The following KCNT2 variants were observed in gnomAD, a reference collection of about 807,000 sequenced individuals.
The protein encoded by KCNT2 is potassium channel subfamily T member 2.
KCNT2 carries 67 observed loss-of-function variants against 153.8 expected under a neutral mutation model. The observed-to-expected ratio is 0.44, with a 90% CI of 0.36 to 0.53. The LOEUF (loss-of-function observed/expected upper bound fraction) is 0.53. Ranked by LOEUF, KCNT2 falls within the 20% of genes least tolerant of loss-of-function variation. The probability of loss-of-function intolerance (pLI) is 0.00; values close to 1 mark genes in which losing one functional copy is unlikely to be tolerated. For synonymous variants in KCNT2, 500 were observed against 458.8 expected (o/e 1.09, Z -1.15); for missense variants, 975 against 1,354.8 (o/e 0.72, Z 4.40).
At chr1:196,402,055 C>A (rs77463986) in intron 12 of KCNT2, among the ~76,000 whole-genome samples, 2,533 of 151,450 alleles carry the variant, frequency 0.017, 84 homozygotes, top group African/African-American at 0.057. Flanking sequence ...CAGAACTTTA[C>A]ATCTAGCAAA....
At chr1:196,245,346 A>C (rs1655343549) in intron 26 of KCNT2, among the ~76,000 whole-genome samples, 2 of 152,050 alleles carry the variant, frequency 1.3e-5, no homozygotes, top group African/African-American at 2.4e-5. Flanking sequence ...AAGCAAACCC[A>C]AAAAAATAAC....
At chr1:196,469,472 CT>C (rs1451342913) in intron 5 of KCNT2, among the ~76,000 whole-genome samples, 5 of 152,106 alleles carry the variant, frequency 3.3e-5, no homozygotes. Flanking sequence ...GAAACGTACC[CT>C]TGTTAACAAT....
chr1:196,467,857 G>T, intron 6 of KCNT2, 71 bp from the exon 7 acceptor site: 1 of 780,282 alleles, frequency 1.3e-6, no homozygotes, highest in Non-Finnish European at 2.0e-6. Context: ...ATACTAAAAA[G>T]AAATGGAAAA....
chr1:196,494,741 A>G (rs938669651), intron 1 of KCNT2, among the ~76,000 whole-genome samples: 1 of 152,226 alleles, frequency 6.6e-6, no homozygotes, highest in African/African-American at 2.4e-5. Context: ...GCGAAACTAG[A>G]AAGAATTCGT....
chr1:196,479,855 T>C (rs1324429986), intron 4 of KCNT2, among the ~76,000 whole-genome samples: 1 of 152,228 alleles, frequency 6.6e-6, no homozygotes, highest in African/African-American at 2.4e-5. Flanking sequence ...ACTTCAAGTT[T>C]AATAGTATAT....
At chr1:196,433,259 C>A (rs1215387003) in intron 8 of KCNT2, among the ~76,000 whole-genome samples, 2 of 151,874 alleles carry the variant, frequency 1.3e-5, no homozygotes, top group African/African-American at 4.8e-5. Flanking sequence ...TTTGTTATAG[C>A]AGCACAGACT....
chr1:196,238,481 T>A (rs1275205551), intron 26 of KCNT2, among the ~76,000 whole-genome samples: 4 of 151,978 alleles, frequency 2.6e-5, no homozygotes, highest in Non-Finnish European at 5.9e-5. Flanking sequence ...TCAGAAATAA[T>A]CTCTCTTGGT....
At chr1:196,517,865 AG>A (rs751721620) in intron 1 of KCNT2, among the ~76,000 whole-genome samples, 39 of 152,230 alleles carry the variant, frequency 2.6e-4, no homozygotes, top group Non-Finnish European at 4.4e-4. Context: ...GTCCATGAAA[AG>A]TTTCCTACCT....
chr1:196,513,987 T>C (rs911723184), intron 1 of KCNT2, among the ~76,000 whole-genome samples: 4 of 152,180 alleles, frequency 2.6e-5, no homozygotes, highest in Non-Finnish European at 5.9e-5. Flanking sequence ...ACAAATAGAC[T>C]GAAATAGGAA....
chr1:196,472,526 A>G lies in KCNT2; in HGVS notation c.385-3458T>C, dbSNP rs1230251461. Among the ~76,000 whole-genome samples, 3 of 152,138 alleles carry G rather than the reference A, an allele frequency of 2.0e-5. No individual in the cohort carries two copies. In the East Asian group the frequency reaches 5.8e-4, roughly 29 times the overall value. ...GCTAATGACTTCCAATATTGTATCAATAGCTCGAACCAATATTTTATCTCT... is the reference window on the plus strand; with the variant it reads ...GCTAATGACTTCCAATATTGTATCAGTAGCTCGAACCAATATTTTATCTCT... On this transcript the variant is annotated intron_variant, in intron 5 of 27. Coordinates refer to ENST00000294725, the MANE Select transcript of KCNT2 (RefSeq NM_198503.5).
At chr1:196,335,914 T>C (rs796352202) in intron 16 of KCNT2, among the ~76,000 whole-genome samples, 2 of 152,256 alleles carry the variant, frequency 1.3e-5, no homozygotes, top group South Asian at 2.1e-4. Flanking sequence ...CTTGATGCTC[T>C]CTCTTCTCTT....
At chr1:196,296,741 T>C (rs560808590) in intron 22 of KCNT2, among the ~76,000 whole-genome samples, 125 of 152,222 alleles carry the variant, frequency 8.2e-4, no homozygotes, top group Middle Eastern at 6.8e-3. Context: ...TTTGAAATGT[T>C]TTTTTATTTG....
At chr1:196,538,793 A>G (rs1655953059) in intron 1 of KCNT2, among the ~76,000 whole-genome samples, 1 of 152,170 alleles carries the variant, frequency 6.6e-6, no homozygotes, top group Admixed American at 6.5e-5. Context: ...ACTAAATTAT[A>G]ACTCAATTTT....
intron 5 of KCNT2, among the ~76,000 whole-genome samples, chr1:196,474,312 G>T (rs527380987): frequency 6.6e-6 from 1 of 151,978 alleles, no homozygotes; most frequent in Non-Finnish European, 1.5e-5. Flanking sequence ...AATACTTTTT[G>T]TTCTTAAATG....
chr1:196,241,611 A>G (rs536928784), intron 26 of KCNT2, among the ~76,000 whole-genome samples: 4 of 152,098 alleles, frequency 2.6e-5, no homozygotes, highest in Non-Finnish European at 5.9e-5. Context: ...TAAAATTATT[A>G]AAAACATTTG....
chr1:196,540,959 G>A (rs1002034092), intron 1 of KCNT2, among the ~76,000 whole-genome samples: 3 of 151,828 alleles, frequency 2.0e-5, no homozygotes, highest in African/African-American at 7.3e-5. Context: ...CCAGCTACTC[G>A]GGAGGCTGAG....
intron 26 of KCNT2, among the ~76,000 whole-genome samples, chr1:196,255,422 A>T (rs1474917418): frequency 6.6e-6 from 1 of 151,794 alleles, no homozygotes; most frequent in African/African-American, 2.4e-5. Flanking sequence ...ATTAATTAAA[A>T]GCAAGCAGAA....
At chr1:196,268,978 A>C (rs1385296723) in intron 25 of KCNT2, among the ~76,000 whole-genome samples, 2 of 151,984 alleles carry the variant, frequency 1.3e-5, no homozygotes, top group Non-Finnish European at 2.9e-5. Context: ...CTAGGTAAAA[A>C]ATAATAATAA....
intron 1 of KCNT2, among the ~76,000 whole-genome samples, chr1:196,514,608 T>C (rs1031635546): frequency 1.3e-5 from 2 of 152,218 alleles, no homozygotes; most frequent in African/African-American, 4.8e-5. Context: ...TAAATAAATA[T>C]GTGTTGTATT....
Sources: gnomAD v4.1 joint callset for allele counts (sites outside exome capture counted in the v4.1 genomes callset) on GRCh38, gnomAD v4.1.1 for gene constraint, MANE v1.5 for transcripts, NCBI Gene and HGNC (gene_info 2026-07-23, HGNC 2026-07-21) for gene names.